The following VPS50 variants were observed in gnomAD, a reference collection of about 807,000 sequenced individuals.
VPS50 encodes VPS50 subunit of EARP/GARPII complex.
Under a neutral mutation model 139.7 loss-of-function variants are expected in VPS50, and 70 were observed. The observed-to-expected ratio is 0.50, with a 90% CI of 0.41 to 0.61. The LOEUF is 0.61. VPS50 is among the 20% of genes least tolerant of loss of function. VPS50 has a pLI of 0.00. For synonymous variants in VPS50, 365 were observed against 376.7 expected (o/e 0.97, Z 0.36); for missense variants, 921 against 1,133.7 (o/e 0.81, Z 2.69).
At chr7:93,281,274 CA>C (rs1796319408) in intron 12 of VPS50, among the ~76,000 whole-genome samples, 1 of 152,090 alleles carries the variant, frequency 6.6e-6, no homozygotes, top group Non-Finnish European at 1.5e-5. Context: ...GAATTATAAT[CA>C]TGTCGATTTT....
intron 18 of VPS50, among the ~76,000 whole-genome samples, chr7:93,306,769 GATTTTT>G (rs1337772220): frequency 6.6e-6 from 1 of 151,766 alleles, no homozygotes; most frequent in African/African-American, 2.4e-5. Context: ...GACCCAATAT[GATTTTT>G]ATTTTTGATT....
chr7:93,297,630 T>C (rs1415413466), intron 16 of VPS50, among the ~76,000 whole-genome samples: 1 of 152,172 alleles, frequency 6.6e-6, no homozygotes, highest in Non-Finnish European at 1.5e-5. Flanking sequence ...AGAGTATCTA[T>C]CTTTTAAATG....
intron 2 of VPS50, among the ~76,000 whole-genome samples, chr7:93,250,931 C>T (rs1052151136): frequency 1.3e-5 from 2 of 152,164 alleles, no homozygotes; most frequent in African/African-American, 4.8e-5. Flanking sequence ...TGAAAAAAAG[C>T]TCATCATCCC....
chr7:93,309,680 T>C (rs893716320), intron 19 of VPS50, among the ~76,000 whole-genome samples: 3 of 151,938 alleles, frequency 2.0e-5, no homozygotes, highest in Non-Finnish European at 4.4e-5. Context: ...CTATTAGTGG[T>C]TGAGTTTTGT....
At chr7:93,325,774 A>G (rs773921955) in intron 21 of VPS50, among the ~76,000 whole-genome samples, 3,014 of 151,094 alleles carry the variant, frequency 0.02, 55 homozygotes, top group South Asian at 0.03. Context: ...TTAGAATGGC[A>G]ATCATTAAAA....
chr7:93,232,477 A>T lies in VPS50; in HGVS notation c.10A>T (p.Ile4Phe), dbSNP rs372814646. 6.2e-7 allele frequency: 1 copy of T among 1,613,608 alleles called. No homozygotes were observed. Among genetic ancestry groups the T allele is most frequent in the Non-Finnish European group, 8.5e-7 (1 of 1,179,736 alleles). The change falls in exon 1 of 28, where the codon ATC (isoleucine) becomes TTC (phenylalanine). Residue 4 changes from isoleucine to phenylalanine, a missense_variant. Around this residue, in one of 3 missense-constraint regions of VPS50, gnomAD observed 744 missense variants for 930.6 expected, o/e 0.80. Coordinates refer to ENST00000305866, the MANE Select transcript of VPS50 (RefSeq NM_017667.4). MQKIKSLMTRQGLK... is the reference protein window; with the variant it reads MQKFKSLMTRQGLK... Reference sequence around the variant, plus strand: ...TCCTCAGGATTTCGATATGCAAAAAATCAAATCTCTCATGACCCGACAGGT... The same window carrying T: ...TCCTCAGGATTTCGATATGCAAAAATTCAAATCTCTCATGACCCGACAGGT...
intron 23 of VPS50, among the ~76,000 whole-genome samples, chr7:93,344,387 C>CT (rs1184864047): frequency 6.6e-6 from 1 of 152,062 alleles, no homozygotes; most frequent in Non-Finnish European, 1.5e-5. Context: ...TAATGGGAGA[C>CT]TTTAACACCC....
At chr7:93,308,348 C>T (rs1361302805) in intron 18 of VPS50, among the ~76,000 whole-genome samples, 1 of 151,762 alleles carries the variant, frequency 6.6e-6, no homozygotes, top group Non-Finnish European at 1.5e-5. Flanking sequence ...AAGCTGCCCT[C>T]GGAATTAAAT....
chr7:93,272,748 G>T lies in VPS50; in HGVS notation c.801+15G>T, dbSNP rs889642591. On this transcript the variant is annotated intron_variant, in intron 11 of 27. Coordinates refer to ENST00000305866, the MANE Select transcript of VPS50 (RefSeq NM_017667.4). Reference sequence around the variant, plus strand: ...GAAAAACACAGGTTTGTTACAAAAGGATGTTTGGATTTTTCCTTAATCAGG... The same window carrying T: ...GAAAAACACAGGTTTGTTACAAAAGTATGTTTGGATTTTTCCTTAATCAGG... The T allele has an allele frequency of 1.6e-6, 2 of 1,222,278 alleles. No individual in the cohort carries two copies. Among genetic ancestry groups the T allele is most frequent in the African/African-American group, 3.1e-5 (2 of 64,554 alleles). 75.7% of individuals were successfully genotyped at this position (1,222,278 alleles called of 1,614,324 possible).
At chr7:93,268,348 C>T (rs560599005) in intron 9 of VPS50, among the ~76,000 whole-genome samples, 19 of 151,888 alleles carry the variant, frequency 1.3e-4, no homozygotes, top group Middle Eastern at 3.4e-3. Context: ...TTTTAAGTTC[C>T]GGGTACATGT....
chr7:93,261,766 C>T (rs973775853), intron 9 of VPS50, among the ~76,000 whole-genome samples: 3 of 151,918 alleles, frequency 2.0e-5, no homozygotes, highest in East Asian at 3.9e-4. Context: ...ACTCTCCTTC[C>T]GGGATCAAGA....
intron 13 of VPS50, among the ~76,000 whole-genome samples, chr7:93,293,781 T>C (rs909518692): frequency 6.6e-6 from 1 of 152,120 alleles, no homozygotes; most frequent in African/African-American, 2.4e-5. Flanking sequence ...AGCCATACCA[T>C]GGGTGTAATA....
intron 20 of VPS50, among the ~76,000 whole-genome samples, chr7:93,316,417 G>A (rs1416524237): frequency 6.6e-6 from 1 of 152,172 alleles, no homozygotes; most frequent in African/African-American, 2.4e-5. Context: ...AGGGGAAACT[G>A]GAGAAGGTCA....
intron 9 of VPS50, among the ~76,000 whole-genome samples, chr7:93,266,119 A>G (rs1030524780): frequency 1.3e-5 from 2 of 152,226 alleles, no homozygotes; most frequent in African/African-American, 2.4e-5. Flanking sequence ...GCTCTGATTT[A>G]AACAGACTGG....
At chr7:93,321,498 G>A (rs1797612550) in intron 20 of VPS50, among the ~76,000 whole-genome samples, 1 of 152,078 alleles carries the variant, frequency 6.6e-6, no homozygotes, top group Non-Finnish European at 1.5e-5. Context: ...TGTCTTCCAT[G>A]TATGACTTTT....
In VPS50 at chr7:93,308,863, T is replaced by A; in HGVS notation, c.1669T>A (p.Tyr557Asn). ...ACAAGAAAAGAGTGCCTATCAAGAGTATGACAGTGACAGTGATGTTCCTGA... is the reference window on the plus strand; with the variant it reads ...ACAAGAAAAGAGTGCCTATCAAGAGAATGACAGTGACAGTGATGTTCCTGA... Reference protein sequence around the residue: ...DEQEKSAYQEYDSDSDVPEEL... With the variant: ...DEQEKSAYQENDSDSDVPEEL... Residue 557 changes from tyrosine (Y) to asparagine (N), a missense_variant, in exon 19 of 28, where the codon TAT becomes AAT. By Grantham distance (143) the Tyr-to-Asn change is moderately radical. This residue lies in a region of VPS50 where 744 missense variants were observed against 930.6 expected (regional missense o/e 0.80). Transcript: ENST00000305866. 2 of 1,607,370 alleles carry A rather than the reference T, an allele frequency of 1.2e-6. No individual in the cohort carries two copies. Among genetic ancestry groups the A allele is most frequent in the Non-Finnish European group, 1.7e-6 (2 of 1,174,622 alleles).
chr7:93,356,485 C>T (rs760581125), intron 27 of VPS50, among the ~76,000 whole-genome samples: 2 of 152,144 alleles, frequency 1.3e-5, no homozygotes, highest in Non-Finnish European at 2.9e-5. Context: ...CAAACCTTCT[C>T]GTACTCCTCA....
At chr7:93,240,381 CAG>C (rs2116776967) in intron 2 of VPS50, among the ~76,000 whole-genome samples, 1 of 152,096 alleles carries the variant, frequency 6.6e-6, no homozygotes, top group Admixed American at 6.5e-5. Context: ...TGTTGTGGAG[CAG>C]AGGTTTTTGA....
chr7:93,350,593 G>A (rs1019111942), intron 25 of VPS50, among the ~76,000 whole-genome samples: 3 of 152,192 alleles, frequency 2.0e-5, no homozygotes, highest in South Asian at 2.1e-4. Context: ...GTGAATTCAG[G>A]AACTTATGTG....
Sources: gnomAD v4.1 joint callset for allele counts (sites outside exome capture counted in the v4.1 genomes callset) on GRCh38, gnomAD v4.1.1 for gene constraint, gnomAD v4.1.1 regional missense constraint, MANE v1.5 for transcripts, NCBI Gene and HGNC (gene_info 2026-07-23, HGNC 2026-07-21) for gene names.